The following ERCC4 variants were observed in gnomAD, a reference collection of about 807,000 sequenced individuals.
ERCC4 encodes the protein ERCC excision repair 4, endonuclease catalytic subunit, also known as DNA repair endonuclease XPF.
Under a neutral mutation model 76.9 loss-of-function variants are expected in ERCC4, and 65 were observed. The observed-to-expected ratio is 0.84, with a 90% CI of 0.69 to 1.04. The LOEUF is 1.04. Among genes scored for constraint, ERCC4 ranks in the 50% least tolerant of loss-of-function variants. ERCC4 has a pLI of 0.00. For synonymous variants in ERCC4, 463 were observed against 410.1 expected, an observed-to-expected ratio of 1.13 and a Z score of -1.56; for missense variants, 1,214 against 1,128.2, an observed-to-expected ratio of 1.08 and a Z score of -1.09.
intron 3 of ERCC4, 43 bp from the exon 4 acceptor site, chr16:13,927,985 G>A (rs1280379134): frequency 5.5e-6 from 8 of 1,454,148 alleles, no homozygotes; most frequent in Non-Finnish European, 7.7e-6. Flanking sequence ...ATACATAGCT[G>A]CTGAAACTCT....
intron 2 of ERCC4, among the ~76,000 whole-genome samples, chr16:13,925,334 G>C (rs2032052257): frequency 6.6e-6 from 1 of 152,044 alleles, no homozygotes; most frequent in South Asian, 2.1e-4. Flanking sequence ...TTTCAATCCA[G>C]GCTAACAAAA....
intron 1 of ERCC4, among the ~76,000 whole-genome samples, chr16:13,920,575 G>T (rs2031953279): frequency 6.6e-6 from 1 of 151,264 alleles, no homozygotes; most frequent in Non-Finnish European, 1.5e-5. Context: ...GTATGTAAGG[G>T]GTCGCTAGGA....
chr16:13,930,864 C>T lies in ERCC4; in HGVS notation c.947C>T (p.Thr316Met), dbSNP rs1340754747. 8.1e-6 allele frequency: 13 copies of T among 1,612,916 alleles called. No individual in the cohort carries two copies. The highest frequency in any genetic ancestry group is 5.0e-5 in the Admixed American group (3 of 60,002). The change falls in exon 5 of 11, where the codon ACG becomes ATG. Residue 316 changes from threonine (T) to methionine (M), a missense_variant. Transcript: ENST00000311895. Reference sequence around the variant, plus strand: ...AATCTTCTGGAATCTCTGAGAGCAACGGAAAAAGCTTTTGGTCAGAATTCA... The same window carrying T: ...AATCTTCTGGAATCTCTGAGAGCAATGGAAAAAGCTTTTGGTCAGAATTCA... ...FLNLLESLRA[T>M]EKAFGQNSGW... is the part of the protein sequence containing the mutation.
chr16:13,930,865 G>T lies in ERCC4; in HGVS notation c.948G>T (p.Thr316=). 1 of 1,613,044 alleles carries T rather than the reference G, an allele frequency of 6.2e-7. No homozygotes were observed. The highest frequency in any genetic ancestry group is 8.5e-7 in the Non-Finnish European group (1 of 1,179,170). The change falls in exon 5 of 11, where the codon ACG becomes ACT. Residue 316 remains threonine (T), a synonymous_variant. Coordinates refer to ENST00000311895, the MANE Select transcript of ERCC4 (RefSeq NM_005236.3). ...FLNLLESLRA[T]EKAFGQNSGW... The stretch of plus-strand genomic sequence containing the variant: ...ATCTTCTGGAATCTCTGAGAGCAAC[G>T]GAAAAAGCTTTTGGTCAGAATTCAG...
rs765253522 is a variant in ERCC4 at position 13,948,070 on chromosome 16, C to T, written c.2474C>T (p.Ala825Val). 2 of 1,614,150 alleles carry T rather than the reference C, an allele frequency of 1.2e-6. No individual in the cohort carries two copies. Among genetic ancestry groups the T allele is most frequent in the Non-Finnish European group, 1.7e-6 (2 of 1,180,018 alleles). ...AAACAAAGCAAGCCACAGCCTGATG[C>T]GGCGACAGCACTGGCCATTACAGCA... ...ELKQSKPQPD[A>V]ATALAITADS... Residue 825 changes from alanine to valine, a missense_variant, in exon 11 of 11, where the codon GCG becomes GTG. Ala to Val is a moderately conservative substitution (Grantham distance 64). Transcript: ENST00000311895.
chr16:13,921,389 G>C (rs544938446), intron 1 of ERCC4, among the ~76,000 whole-genome samples: 28 of 152,268 alleles, frequency 1.8e-4, no homozygotes, highest in African/African-American at 6.7e-4. Context: ...GGACAAGTCT[G>C]ATGATCCCCT....
chr16:13,948,019 C>G lies in ERCC4; in HGVS notation c.2423C>G (p.Ala808Gly), dbSNP rs746576915. 1.9e-5 allele frequency: 31 copies of G among 1,614,136 alleles called. No homozygotes were observed. In the East Asian group the frequency reaches 6.7e-4, roughly 35 times the overall value. Residue 808 changes from alanine to glycine, a missense_variant, in exon 11 of 11, where the codon GCA becomes GGA. Coordinates refer to ENST00000311895, the MANE Select transcript of ERCC4 (RefSeq NM_005236.3). ...LRILWCPSPH[A>G]TAELFEELKQ... ...ATTCTCTGGTGCCCCTCTCCTCATG[C>G]AACGGCGGAGTTGTTTGAGGAGCTG... is the stretch of plus-strand genomic sequence containing the variant.
intron 2 of ERCC4, 187 bp downstream of exon 2, chr16:13,922,398 G>T: frequency 1.3e-6 from 1 of 760,392 alleles, no homozygotes. Context: ...GGGGTGTTCG[G>T]TCCTTGCAGG....
At chr16:13,923,605 C>T (rs1225408404) in intron 2 of ERCC4, among the ~76,000 whole-genome samples, 1 of 152,168 alleles carries the variant, frequency 6.6e-6, no homozygotes, top group Non-Finnish European at 1.5e-5. Flanking sequence ...TGAATGCTAA[C>T]ACCCTGCTTA....
At chr16:13,920,410 G>A (rs1206934477) in intron 1 of ERCC4, 38 bp downstream of exon 1, 4 of 1,515,994 alleles carry the variant, frequency 2.6e-6, no homozygotes, top group African/African-American at 2.7e-5. Flanking sequence ...GGGACTCCGA[G>A]AGTGTTGAGG....
intron 2 of ERCC4, among the ~76,000 whole-genome samples, chr16:13,926,033 T>C (rs2032065793): frequency 6.6e-6 from 1 of 152,186 alleles, no homozygotes; most frequent in Non-Finnish European, 1.5e-5. Flanking sequence ...ATTCTGAAAA[T>C]TGAATTCATC....
intron 9 of ERCC4, chr16:13,943,835 A>C (rs760432742): frequency 5.3e-5 from 8 of 152,300 alleles, no homozygotes; most frequent in Non-Finnish European, 1.2e-4. Context: ...TACCTGGCAG[A>C]ATTAATTATA....
At position 13,926,722 on chromosome 16, in the gene ERCC4, A is replaced by C. The variant is rs2032079848; in HGVS notation, c.550A>C (p.Asn184His). The C allele has an allele frequency of 1.2e-6, 2 of 1,613,882 alleles. No individual in the cohort carries two copies. The highest frequency in any genetic ancestry group is 1.7e-6 in the Non-Finnish European group (2 of 1,179,952). Residue 184 changes from asparagine (N) to histidine (H), a missense_variant, in exon 3 of 11, where the codon AAT becomes CAT. Coordinates refer to ENST00000311895, the MANE Select transcript of ERCC4 (RefSeq NM_005236.3). The stretch of plus-strand genomic sequence containing the variant: ...TTGTCATGTGGAAAGAGTGATGAGA[A>C]ATCTTTTTGTGAGGAAACTGTATCT... ...GFCHVERVMRNLFVRKLYLWP... is the reference protein window; with the variant it reads ...GFCHVERVMRHLFVRKLYLWP...
chr16:13,929,754 A>C (rs1033703130), intron 4 of ERCC4, among the ~76,000 whole-genome samples: 2 of 152,164 alleles, frequency 1.3e-5, no homozygotes, highest in African/African-American at 4.8e-5. Context: ...TCATGAGGTC[A>C]GGAGATCGAG....
chr16:13,943,642 T>C (rs923062927), intron 9 of ERCC4, among the ~76,000 whole-genome samples: 1 of 152,204 alleles, frequency 6.6e-6, no homozygotes, highest in African/African-American at 2.4e-5. Context: ...TTGGTTGTTT[T>C]AACCCTTGTT....
In ERCC4 at chr16:13,935,522, G is replaced by A. The variant is rs2032270077; in HGVS notation, c.1590G>A (p.Lys530=). 3.1e-6 allele frequency: 5 copies of A among 1,614,040 alleles called. No homozygotes were observed. The highest frequency in any genetic ancestry group is 4.2e-6 in the Non-Finnish European group (5 of 1,180,014). ...CAGAAAGCTGCCCGGAAGAAATTAA[G>A]CATGAAGAATTTGATGTAAATTTGT... The part of the protein sequence containing the change: ...SSPESCPEEI[K]HEEFDVNLSS... The change falls in exon 8 of 11, where the codon AAG becomes AAA. Residue 530 remains lysine, a synonymous_variant. Transcript: ENST00000311895.
At chr16:13,945,140 C>G (rs1198286979) in intron 10 of ERCC4, among the ~76,000 whole-genome samples, 1 of 152,192 alleles carries the variant, frequency 6.6e-6, no homozygotes, top group African/African-American at 2.4e-5. Context: ...TCAGAATGTA[C>G]TTTTGCAAAT....
intron 8 of ERCC4, among the ~76,000 whole-genome samples, chr16:13,936,780 A>T (rs560927574): frequency 6.6e-6 from 1 of 152,346 alleles, no homozygotes; most frequent in South Asian, 2.1e-4. Flanking sequence ...GGAAGATAAC[A>T]GCTAAAAGAA....
Position 13,949,634 on chromosome 16 carries a change from C to T in ERCC4, c.*1287C>T, listed in dbSNP as rs535372156. On this transcript the variant is annotated 3_prime_UTR_variant, in exon 11 of 11. Coordinates refer to ENST00000311895, the MANE Select transcript of ERCC4 (RefSeq NM_005236.3). The stretch of plus-strand genomic sequence containing the variant: ...TATAAAAATACGAAAGAAATATATA[C>T]GTTTAAAAATCCATAAAGAAAAAAA... The T allele has an allele frequency of 1.7e-5, 4 of 232,366 alleles. No homozygotes were observed. The East Asian group carries it at 1.8e-4, about 11-fold the overall frequency. The allele number at this position is 232,366 out of a possible 1,614,324, so 14.4% of individuals were successfully genotyped here. A position where few individuals can be genotyped will look rare whatever the true frequency, so the allele number is the denominator to read the frequency against.
Sources: allele counts gnomAD v4.1 joint callset (sites outside exome capture counted in the v4.1 genomes callset), GRCh38; gene constraint gnomAD v4.1.1; transcripts MANE v1.5; gene names NCBI Gene and HGNC (gene_info 2026-07-23, HGNC 2026-07-21).